Variants in SLC31A2 observed in about 807,000 individuals in gnomAD.
The protein encoded by SLC31A2 is protein SLC31A2.
A neutral mutation model predicts 14.4 loss-of-function variants in SLC31A2; 16 were observed. The ratio of observed to expected loss-of-function variants is 1.11; its 90% confidence interval spans 0.75 to 1.69. The LOEUF (loss-of-function observed/expected upper bound fraction) is 1.69. Ranked by LOEUF, SLC31A2 falls within the 40% of genes most tolerant of loss-of-function variation. The pLI is 0.00. For synonymous variants in SLC31A2, 56 were observed against 68.7 expected, an observed-to-expected ratio of 0.82 and a Z score of 0.91; for missense variants, 140 against 173.9, an observed-to-expected ratio of 0.81 and a Z score of 1.10.
intron 3 of SLC31A2, 155 bp downstream of exon 3, chr9:113,161,853 C>A: frequency 1.3e-6 from 1 of 798,732 alleles, no homozygotes; most frequent in Non-Finnish European, 2.1e-6. Context: ...GCCAAGTGAA[C>A]TAGAGCTCAT....
At chr9:113,162,143 G>C (rs1367062259) in intron 3 of SLC31A2, 1 of 331,060 alleles carries the variant, frequency 3.0e-6, no homozygotes, top group Non-Finnish European at 5.7e-6. Context: ...CAACCATTTA[G>C]GGTCCCTGTT....
At chr9:113,160,294 T>C (rs1000317304) in intron 2 of SLC31A2, among the ~76,000 whole-genome samples, 1 of 152,152 alleles carries the variant, frequency 6.6e-6, no homozygotes, top group East Asian at 1.9e-4. Context: ...CTCCCTGGGC[T>C]TGCCACCTTC....
chr9:113,153,818 C>G (rs549988618), intron 1 of SLC31A2, among the ~76,000 whole-genome samples: 3 of 152,138 alleles, frequency 2.0e-5, no homozygotes, highest in African/African-American at 7.2e-5. Flanking sequence ...AAGTCAGACC[C>G]CTTTTGGCAC....
In SLC31A2 at chr9:113,151,088, C is replaced by A; in HGVS notation, c.6+8C>A. On this transcript the variant is annotated splice_region_variant and intron_variant, in intron 1 of 3. Transcript: ENST00000259392. The surrounding 1 kb of genome is among the most constrained non-coding windows in gnomAD (Gnocchi z 4.2). ...TGCGCACTCACCATGGCGGTAAGGGCCGGGCGCTACGGTGAAGAGGGTGGG... is the reference window on the plus strand; with the variant it reads ...TGCGCACTCACCATGGCGGTAAGGGACGGGCGCTACGGTGAAGAGGGTGGG... 7.6e-7 allele frequency: 1 copy of A among 1,307,878 alleles called. No homozygotes were observed. The highest frequency in any genetic ancestry group is 3.3e-5 in the Admixed American group (1 of 30,288). 81.0% of individuals were successfully genotyped at this position (1,307,878 alleles called of 1,614,324 possible). A position where few individuals can be genotyped will look rare whatever the true frequency, so the allele number is the denominator to read the frequency against.
chr9:113,152,525 C>G (rs1829881887), intron 1 of SLC31A2, among the ~76,000 whole-genome samples: 1 of 152,230 alleles, frequency 6.6e-6, no homozygotes, highest in Non-Finnish European at 1.5e-5. Flanking sequence ...GGCTTCAGAA[C>G]CATCCTAGCC....
intron 1 of SLC31A2, among the ~76,000 whole-genome samples, chr9:113,154,835 C>T (rs1230470871): frequency 6.6e-6 from 1 of 152,200 alleles, no homozygotes; most frequent in Non-Finnish European, 1.5e-5. Flanking sequence ...CTTACTGTCC[C>T]ATCCCCAGAC....
At chr9:113,155,717 C>T (rs1829924295) in intron 1 of SLC31A2, among the ~76,000 whole-genome samples, 1 of 152,144 alleles carries the variant, frequency 6.6e-6, no homozygotes, top group African/African-American at 2.4e-5. Flanking sequence ...TACCTCCTAG[C>T]ATCCTGTACT....
In SLC31A2 at chr9:113,163,465, T is replaced by TAA. The variant is rs972619787; in HGVS notation, c.*549_*550dup. Reference sequence around the variant, plus strand: ...TCGTCTATGGATCATGTTGACAAACTAAGTTTTTTTTATTTTTCCCATTGA... The same window carrying TAA: ...TCGTCTATGGATCATGTTGACAAACTAAAAGTTTTTTTTATTTTTCCCATTGA... On this transcript the variant is annotated 3_prime_UTR_variant, in exon 4 of 4. Transcript: ENST00000259392. 2.0e-5 allele frequency: 3 copies of TAA among 152,790 alleles called. No homozygotes were observed. Among genetic ancestry groups the TAA allele is most frequent in the African/African-American group, 4.8e-5 (2 of 41,588 alleles). 9.5% of individuals were successfully genotyped at this position (152,790 alleles called of 1,614,324 possible).
chr9:113,162,516 C>T (rs1387381392), intron 3 of SLC31A2: 2 of 362,224 alleles, frequency 5.5e-6, no homozygotes, highest in African/African-American at 2.5e-5. Flanking sequence ...CCTAGGATGC[C>T]AGGAAGCTTG....
chr9:113,162,639 A>G (rs1490432916), intron 3 of SLC31A2, 110 bp from the exon 4 acceptor site: 2 of 1,009,612 alleles, frequency 2.0e-6, no homozygotes, highest in Non-Finnish European at 2.9e-6. Flanking sequence ...TACAAGTTAT[A>G]AATCAATCGG....
intron 3 of SLC31A2, 180 bp downstream of exon 3, chr9:113,161,878 A>G (rs1326348646): frequency 1.5e-5 from 11 of 718,930 alleles, no homozygotes; most frequent in Non-Finnish European, 2.7e-5. Flanking sequence ...CCTGATGCCC[A>G]GGCCAAAGCA....
Position 113,161,836 on chromosome 9 carries a change from A to G in SLC31A2, c.263+138A>G, listed in dbSNP as rs577666075. 75 of 908,982 alleles carry G rather than the reference A, an allele frequency of 8.3e-5. No individual in the cohort carries two copies. In the African/African-American group the frequency reaches 1.1e-3, roughly 14 times the overall value. The allele number at this position is 908,982 out of a possible 1,614,324, so 56.3% of individuals were successfully genotyped here. ...AGGACCAGGACTTGCCAAAGTGGCT[A>G]CACATAGCCAAGTGAACTAGAGCTC... On this transcript the variant is annotated intron_variant, in intron 3 of 3. Transcript: ENST00000259392.
In SLC31A2 at chr9:113,163,741, G is replaced by A. The variant is rs1007933175; in HGVS notation, c.*824G>A. 6.6e-6 allele frequency: 1 copy of A among 152,478 alleles called. No individual in the cohort carries two copies. The highest frequency in any genetic ancestry group is 2.4e-5 in the African/African-American group (1 of 41,444). The allele number at this position is 152,478 out of a possible 1,614,324, so 9.4% of individuals were successfully genotyped here. Reference sequence around the variant, plus strand: ...GATGATCTGATGGCCGTGGGTGTCTGGGAAGCTCTTCGTGGCCTCAATGCC... The same window carrying A: ...GATGATCTGATGGCCGTGGGTGTCTAGGAAGCTCTTCGTGGCCTCAATGCC... On this transcript the variant is annotated 3_prime_UTR_variant, in exon 4 of 4. Transcript: ENST00000259392.
At chr9:113,156,396 TTC>T (rs1265194587) in intron 1 of SLC31A2, among the ~76,000 whole-genome samples, 1 of 152,180 alleles carries the variant, frequency 6.6e-6, no homozygotes, top group Non-Finnish European at 1.5e-5. Context: ...GAGCTCATAT[TTC>T]TCTCCCCTCT....
At position 113,151,216 on chromosome 9, in the gene SLC31A2, C is replaced by A; in HGVS notation, c.6+136C>A. On this transcript the variant is annotated intron_variant, in intron 1 of 3. Coordinates refer to ENST00000259392, the MANE Select transcript of SLC31A2 (RefSeq NM_001860.3). This position sits in a 1 kb window ranked among gnomAD's most constrained non-coding sequence, Gnocchi z 4.2. ...GGTGTGTTGGCAGCATTGCCAACAG[C>A]TGGAACAGGGTTGGGGGACGCGGCA... The A allele has an allele frequency of 1.1e-6, 1 of 923,496 alleles. No homozygotes were observed. Among genetic ancestry groups the A allele is most frequent in the Non-Finnish European group, 1.4e-6 (1 of 691,840 alleles). The allele number at this position is 923,496 out of a possible 1,614,324, so 57.2% of individuals were successfully genotyped here.
In SLC31A2 at chr9:113,151,710, A is replaced by G. The variant is rs990025521; in HGVS notation, c.6+630A>G. ...AGACTCGTTCGTCTTTGAAGAAGTC[A>G]TATCATTTTCTTCATCCCATGAAGA... On this transcript the variant is annotated intron_variant, in intron 1 of 3. Transcript: ENST00000259392. The surrounding 1 kb of genome is among the most constrained non-coding windows in gnomAD (Gnocchi z 4.2). 2 of 152,230 alleles carry G rather than the reference A, an allele frequency of 1.3e-5. No individual in the cohort carries two copies. The highest frequency in any genetic ancestry group is 2.9e-5 in the Non-Finnish European group (2 of 68,036). The allele number at this position is 152,230 out of a possible 1,614,324, so 9.4% of individuals were successfully genotyped here. A position where few individuals can be genotyped will look rare whatever the true frequency, so the allele number is the denominator to read the frequency against.
In SLC31A2 at chr9:113,151,174, G is replaced by C; in HGVS notation, c.6+94G>C. The C allele has an allele frequency of 8.2e-7, 1 of 1,214,798 alleles. No individual in the cohort carries two copies. Among genetic ancestry groups the C allele is most frequent in the Non-Finnish European group, 1.0e-6 (1 of 953,932 alleles). 75.3% of individuals were successfully genotyped at this position (1,214,798 alleles called of 1,614,324 possible). On this transcript the variant is annotated intron_variant, in intron 1 of 3. Coordinates refer to ENST00000259392, the MANE Select transcript of SLC31A2 (RefSeq NM_001860.3). This position sits in a 1 kb window ranked among gnomAD's most constrained non-coding sequence, Gnocchi z 4.2. ...GCACCCCGAATCCTCGCTGCCGCTG[G>C]CCCGGGGCTGGTGAAGGGTGTGTTG...
chr9:113,151,017 GGAGCGAGGAGACCC>G lies in SLC31A2; in HGVS notation c.-50_-37del, dbSNP rs1829855417. 7.7e-7 allele frequency: 1 copy of G among 1,292,500 alleles called. No homozygotes were observed. The highest frequency in any genetic ancestry group is 3.0e-5 in the East Asian group (1 of 33,354). 80.1% of individuals were successfully genotyped at this position (1,292,500 alleles called of 1,614,324 possible). A position where few individuals can be genotyped will look rare whatever the true frequency, so the allele number is the denominator to read the frequency against. ...GCGGCGGCGGCGGTTGAACTGACTCGGAGCGAGGAGACCCGAGCGAGCAGACGCGGCCCTGGCGC... is the reference window on the plus strand; with the variant it reads ...GCGGCGGCGGCGGTTGAACTGACTCGGAGCGAGCAGACGCGGCCCTGGCGC... On this transcript the variant is annotated 5_prime_UTR_variant, in exon 1 of 4. Transcript: ENST00000259392. This position sits in a 1 kb window ranked among gnomAD's most constrained non-coding sequence, Gnocchi z 4.2.
Position 113,157,743 on chromosome 9 carries a change from C to A in SLC31A2, c.23C>A (p.Ser8Ter). 6.2e-7 allele frequency: 1 copy of A among 1,612,906 alleles called. No homozygotes were observed. The change falls in exon 2 of 4, where the codon TCA becomes TAA. Residue 8 changes from serine (S) to a stop codon, truncating the protein, a stop_gained. Transcript: ENST00000259392. LOFTEE classifies it high-confidence loss of function. ...CTCTTTCAGATGCATTTCATCTTCT[C>A]AGATACAGCGGTGCTTCTGTTTGAT... MAMHFIF[S>*]DTAVLLFDFW...
Sources: allele counts gnomAD v4.1 joint callset (sites outside exome capture counted in the v4.1 genomes callset), GRCh38; gene constraint gnomAD v4.1.1; non-coding constraint Gnocchi (gnomAD v3.1); transcripts MANE v1.5; gene names NCBI Gene and HGNC (gene_info 2026-07-23, HGNC 2026-07-21).